EYA4: variants seen among roughly 807,000 people sequenced by gnomAD.
EYA4 encodes EYA transcriptional coactivator and phosphatase 4.
EYA4 carries 31 observed loss-of-function variants against 87.9 expected under a neutral mutation model. The ratio of observed to expected loss-of-function variants is 0.35; its 90% CI spans 0.27 to 0.48. The LOEUF (loss-of-function observed/expected upper bound fraction) is 0.48, where lower values mean the gene tolerates loss of function less well. Among genes scored for constraint, EYA4 ranks in the 20% least tolerant of loss-of-function variants. The pLI is 0.99. For synonymous variants in EYA4, 263 were observed against 270.6 expected (o/e 0.97, Z 0.28); for missense variants, 678 against 761.4 (o/e 0.89, Z 1.29).
At chr6:133,502,339 T>G (rs1461933794) in intron 13 of EYA4, 1 of 152,058 alleles carries the variant, frequency 6.6e-6, no homozygotes, top group Non-Finnish European at 1.5e-5. Context: ...CAACATTCAC[T>G]ACACTTAAAT....
At position 133,514,391 on chromosome 6, in the gene EYA4, G is replaced by A. The variant is rs183913190; in HGVS notation, c.1502-930G>A. On this transcript the variant is annotated intron_variant, in intron 16 of 19. Transcript: ENST00000355286. ...TCAGATGTCATCATTTCCTTCTTGC[G>A]GTGTATTAATAAAATTATTTTAAGT... Among the ~76,000 whole-genome samples, 15 of 152,110 alleles carry A rather than the reference G, an allele frequency of 9.9e-5. No individual in the cohort carries two copies. The East Asian group carries it at 2.5e-3, about 25-fold the overall frequency.
chr6:133,274,529 T>C (rs1413454399), intron 1 of EYA4, among the ~76,000 whole-genome samples, 187 bp from the exon 2 acceptor site: 2 of 152,180 alleles, frequency 1.3e-5, no homozygotes, highest in Non-Finnish European at 2.9e-5. Context: ...ACCCCACTTT[T>C]ACCATGACAC....
At chr6:133,452,032 A>G (rs1793501307) in intron 5 of EYA4, among the ~76,000 whole-genome samples, 1 of 152,118 alleles carries the variant, frequency 6.6e-6, no homozygotes, top group Admixed American at 6.5e-5. Context: ...GGTAGTTAGG[A>G]ATGAAAGACA....
chr6:133,243,089 CGTGTGTGTGTGTGT>C (rs3065226), intron 1 of EYA4, among the ~76,000 whole-genome samples: 136 of 145,468 alleles, frequency 9.3e-4, no homozygotes, highest in African/African-American at 3.2e-3. Context: ...GGAGCAACTT[CGTGTGTGTGTGTGT>C]GTGTGTGTGT....
intron 3 of EYA4, among the ~76,000 whole-genome samples, chr6:133,403,752 C>T (rs1396889563): frequency 1.3e-5 from 2 of 152,164 alleles, no homozygotes; most frequent in East Asian, 1.9e-4. Context: ...AGCCACTCTA[C>T]AAGTCATATT....
chr6:133,295,054 T>A (rs1403238792), intron 2 of EYA4, among the ~76,000 whole-genome samples: 1 of 152,242 alleles, frequency 6.6e-6, no homozygotes, highest in African/African-American at 2.4e-5. Flanking sequence ...AAGATAGTGT[T>A]ATACTAAATA....
chr6:133,450,124 T>C (rs1252502392), intron 5 of EYA4, among the ~76,000 whole-genome samples: 4 of 152,044 alleles, frequency 2.6e-5, no homozygotes, highest in African/African-American at 9.7e-5. Context: ...TAGCTGGGAC[T>C]ACAGGCACCC....
chr6:133,426,460 A>AT (rs928079019), intron 3 of EYA4, among the ~76,000 whole-genome samples: 7 of 152,042 alleles, frequency 4.6e-5, no homozygotes, highest in Non-Finnish European at 8.8e-5. Flanking sequence ...GTCAAAAACC[A>AT]TTTAACTTTC....
At chr6:133,481,344 C>CT in intron 11 of EYA4, 119 bp from the exon 12 acceptor site, 2 of 973,524 alleles carry the variant, frequency 2.1e-6, no homozygotes, top group East Asian at 2.4e-5. Flanking sequence ...TTATAAATCT[C>CT]TTTTTTGCCA....
chr6:133,308,671 T>G (rs1779992456), intron 2 of EYA4, among the ~76,000 whole-genome samples: 1 of 152,208 alleles, frequency 6.6e-6, no homozygotes, highest in African/African-American at 2.4e-5. Context: ...GTATTTGGTT[T>G]TCTGTTACTG....
At chr6:133,447,362 A>G (rs1190606666) in intron 4 of EYA4, among the ~76,000 whole-genome samples, 3 of 152,124 alleles carry the variant, frequency 2.0e-5, no homozygotes, top group East Asian at 1.9e-4. Flanking sequence ...ATTACTTCAG[A>G]TATTCTGCTT....
intron 2 of EYA4, among the ~76,000 whole-genome samples, chr6:133,306,807 A>G (rs1429346542): frequency 6.6e-6 from 1 of 152,222 alleles, no homozygotes; most frequent in African/African-American, 2.4e-5. Context: ...TTTAAATCAT[A>G]GAAGAATTGA....
intron 2 of EYA4, among the ~76,000 whole-genome samples, chr6:133,379,132 G>A (rs1274356098): frequency 6.6e-6 from 1 of 152,086 alleles, no homozygotes; most frequent in South Asian, 2.1e-4. Flanking sequence ...GTAAGCCTGG[G>A]GTGATGGTGC....
intron 13 of EYA4, among the ~76,000 whole-genome samples, chr6:133,488,396 A>G (rs1796857991): frequency 6.6e-6 from 1 of 152,078 alleles, no homozygotes; most frequent in South Asian, 2.1e-4. Flanking sequence ...TAGAGCCTTG[A>G]GCAAACATAG....
chr6:133,433,559 T>C (rs1791376455), intron 3 of EYA4, among the ~76,000 whole-genome samples: 1 of 152,228 alleles, frequency 6.6e-6, no homozygotes, highest in South Asian at 2.1e-4. Context: ...TTTCACCATG[T>C]TGGCCAGGAT....
intron 1 of EYA4, among the ~76,000 whole-genome samples, chr6:133,258,975 A>G (rs1293441720): frequency 1.3e-5 from 2 of 152,040 alleles, no homozygotes; most frequent in African/African-American, 4.8e-5. Flanking sequence ...ATTTCAGCTA[A>G]TTGGTTTTCC....
chr6:133,455,501 C>A (rs1242425733), intron 5 of EYA4, among the ~76,000 whole-genome samples: 2 of 152,142 alleles, frequency 1.3e-5, no homozygotes, highest in Admixed American at 6.6e-5. Flanking sequence ...ATAATCATTA[C>A]CGCATGGTTT....
intron 2 of EYA4, chr6:133,325,538 A>G (rs1781434503): frequency 6.6e-6 from 1 of 152,306 alleles, no homozygotes; most frequent in South Asian, 2.1e-4. Flanking sequence ...TCACATCTGT[A>G]TGATCCATCT....
chr6:133,503,560 C>G (rs912708986), intron 13 of EYA4, among the ~76,000 whole-genome samples: 1 of 152,124 alleles, frequency 6.6e-6, no homozygotes, highest in Non-Finnish European at 1.5e-5. Flanking sequence ...CTCAGAAGCA[C>G]AGAGCGTCAC....
Sources: allele counts gnomAD v4.1 joint callset (sites outside exome capture counted in the v4.1 genomes callset), GRCh38; gene constraint gnomAD v4.1.1; transcripts MANE v1.5; gene names NCBI Gene and HGNC (gene_info 2026-07-23, HGNC 2026-07-21).